The following SLC35E4 variants were observed in gnomAD, a reference collection of about 807,000 sequenced individuals.
The protein encoded by SLC35E4 is solute carrier family 35, member E4.
SLC35E4 carries 15 observed loss-of-function variants against 19.3 expected under a neutral mutation model. The ratio of observed to expected loss-of-function variants is 0.78; its 90% CI spans 0.52 to 1.20. The LOEUF is 1.20. Ranked by LOEUF, SLC35E4 falls within the 50% of genes most tolerant of loss-of-function variation. The probability of loss-of-function intolerance (pLI) is 0.00; values close to 1 mark genes in which losing one functional copy is unlikely to be tolerated. For synonymous variants in SLC35E4, 219 were observed against 219.9 expected (o/e 1.00, Z 0.04); for missense variants, 406 against 472.3 (o/e 0.86, Z 1.30).
intron 1 of SLC35E4, among the ~76,000 whole-genome samples, chr22:30,643,385 C>T (rs960462704): frequency 6.6e-6 from 1 of 152,128 alleles, no homozygotes; most frequent in Non-Finnish European, 1.5e-5. Context: ...TCCTGGGGAG[C>T]GCTGAGAAGG....
chr22:30,644,652 GA>G (rs2088099057), intron 1 of SLC35E4, among the ~76,000 whole-genome samples: 1 of 152,292 alleles, frequency 6.6e-6, no homozygotes, highest in Admixed American at 6.5e-5. Context: ...GCTGAGAAGG[GA>G]GGATCGCTTG....
intron 2 of SLC35E4, among the ~76,000 whole-genome samples, chr22:30,657,336 G>A (rs1255471196): frequency 6.6e-6 from 1 of 151,224 alleles, no homozygotes; most frequent in Non-Finnish European, 1.5e-5. Flanking sequence ...GCGGGCACCT[G>A]TAATCCCAGC....
At chr22:30,638,537 C>T (rs1001897837) in intron 1 of SLC35E4, among the ~76,000 whole-genome samples, 5 of 146,938 alleles carry the variant, frequency 3.4e-5, no homozygotes, top group Non-Finnish European at 6.0e-5. Context: ...TTGGGCCAGG[C>T]GCAGTGGCTC....
At chr22:30,664,995 A>G (rs5753268), downstream of SLC35E4, 113,055 of 152,614 alleles carry the variant, frequency 0.74, 44,057 homozygotes, top group East Asian at 0.88. Context: ...ATTGGGGTAG[A>G]GGTTCAGCCG....
chr22:30,663,773 T>C, downstream of SLC35E4: 2 of 1,614,080 alleles, frequency 1.2e-6, no homozygotes, highest in Non-Finnish European at 1.7e-6. Context: ...CACAGAGACG[T>C]GAGTTAGGGG....
intron 2 of SLC35E4, chr22:30,653,977 G>GTTTTTTT (rs1316985664): frequency 6.7e-6 from 1 of 149,786 alleles, no homozygotes; most frequent in African/African-American, 2.7e-5. Context: ...TAGCTGTTTT[G>GTTTTTTT]TTTTTTTGTT....
chr22:30,665,598 T>TC (rs1415535220), downstream of SLC35E4: 1 of 467,542 alleles, frequency 2.1e-6, no homozygotes, highest in Non-Finnish European at 4.4e-6. Context: ...ATCACACCCC[T>TC]CCCTCACGTT....
chr22:30,647,196 G>C lies in SLC35E4; in HGVS notation c.*165G>C, dbSNP rs562509832. ...GTGGATCACCTGAGGCCAGGAGTTC[G>C]AGACCAGCCTGGCTAACATGGCAAA... is the stretch of plus-strand genomic sequence containing the variant. On this transcript the variant is annotated 3_prime_UTR_variant, in exon 2 of 2. Coordinates refer to ENST00000343605, the MANE Select transcript of SLC35E4 (RefSeq NM_001001479.4). The C allele has an allele frequency of 6.1e-6, 5 of 817,738 alleles. No individual in the cohort carries two copies. In the South Asian group the frequency reaches 9.6e-5, roughly 16 times the overall value. The allele number at this position is 817,738 out of a possible 1,614,324, so 50.7% of individuals were successfully genotyped here. A position where few individuals can be genotyped will look rare whatever the true frequency, so the allele number is the denominator to read the frequency against.
chr22:30,637,123 C>T, intron 1 of SLC35E4, 54 bp downstream of exon 1: 1 of 1,518,570 alleles, frequency 6.6e-7, no homozygotes, highest in South Asian at 1.3e-5. Context: ...GGTGCATGGC[C>T]TGGATGGCCC....
chr22:30,663,579 C>G, downstream of SLC35E4: 1 of 1,614,198 alleles, frequency 6.2e-7, no homozygotes, highest in Non-Finnish European at 8.5e-7. Flanking sequence ...GCTGTTGGGT[C>G]GGATGATGGG....
At chr22:30,654,289 A>C (rs917902489) in intron 2 of SLC35E4, 12 of 452,580 alleles carry the variant, frequency 2.7e-5, no homozygotes, top group Non-Finnish European at 4.8e-5. Context: ...CGGCCATCCC[A>C]TGAGCTGTTT....
chr22:30,641,554 AT>A (rs575039875), intron 1 of SLC35E4, among the ~76,000 whole-genome samples: 114 of 146,660 alleles, frequency 7.8e-4, no homozygotes, highest in Middle Eastern at 3.5e-3. Flanking sequence ...TTATTTTATT[AT>A]TTTTTTTTTT....
chr22:30,646,914 C>T lies in SLC35E4; in HGVS notation c.936C>T (p.Tyr312=), dbSNP rs747480687. ...LFGSRLSALS[Y]VGIALTLSGM... The stretch of plus-strand genomic sequence containing the variant: ...GCAGCCGCCTCAGTGCCCTCAGCTA[C>T]GTGGGCATCGCACTCACTCTTTCAG... Residue 312 remains tyrosine (Y), a synonymous_variant, in exon 2 of 2, where the codon TAC becomes TAT. Transcript: ENST00000343605. 21 of 1,614,122 alleles carry T rather than the reference C, an allele frequency of 1.3e-5. No individual in the cohort carries two copies. In the East Asian group the frequency reaches 2.9e-4, roughly 22 times the overall value.
downstream of SLC35E4, among the ~76,000 whole-genome samples, chr22:30,666,153 C>T (rs1010348475): frequency 1.3e-5 from 2 of 152,144 alleles, no homozygotes; most frequent in African/African-American, 4.8e-5. Flanking sequence ...TCTGGATCCT[C>T]GTCATCAGAA....
In SLC35E4 at chr22:30,646,918, G is replaced by C. The variant is rs759529119; in HGVS notation, c.940G>C (p.Gly314Arg). 3 of 1,614,204 alleles carry C rather than the reference G, an allele frequency of 1.9e-6. No individual in the cohort carries two copies. Among genetic ancestry groups the C allele is most frequent in the Non-Finnish European group, 2.5e-6 (3 of 1,180,040 alleles). Reference sequence around the variant, plus strand: ...CCGCCTCAGTGCCCTCAGCTACGTGGGCATCGCACTCACTCTTTCAGGAAT... The same window carrying C: ...CCGCCTCAGTGCCCTCAGCTACGTGCGCATCGCACTCACTCTTTCAGGAAT... ...GSRLSALSYV[G>R]IALTLSGMFL... Residue 314 changes from glycine (G) to arginine (R), a missense_variant, in exon 2 of 2, where the codon GGC becomes CGC. Gly to Arg is a moderately radical substitution (Grantham distance 125, BLOSUM62 -2). Coordinates refer to ENST00000343605, the MANE Select transcript of SLC35E4 (RefSeq NM_001001479.4).
At chr22:30,642,262 G>T (rs2088054802) in intron 1 of SLC35E4, among the ~76,000 whole-genome samples, 1 of 151,966 alleles carries the variant, frequency 6.6e-6, no homozygotes, top group Admixed American at 6.6e-5. Context: ...TACCCACCTC[G>T]GCCTAAAGTG....
chr22:30,659,665 T>C (rs1393055296), intron 2 of SLC35E4, among the ~76,000 whole-genome samples: 1 of 152,174 alleles, frequency 6.6e-6, no homozygotes, highest in African/African-American at 2.4e-5. Flanking sequence ...ATAAGAATTT[T>C]AGAACTAAGA....
chr22:30,647,170 G>A lies in SLC35E4; in HGVS notation c.*139G>A, dbSNP rs2088149209. On this transcript the variant is annotated 3_prime_UTR_variant, in exon 2 of 2. Transcript: ENST00000343605. ...CCCAGCACTTCCAGAGTCCGAGGTGGGTGGATCACCTGAGGCCAGGAGTTC... is the reference window on the plus strand; with the variant it reads ...CCCAGCACTTCCAGAGTCCGAGGTGAGTGGATCACCTGAGGCCAGGAGTTC... The A allele has an allele frequency of 2.8e-6, 3 of 1,086,930 alleles. No homozygotes were observed. The highest frequency in any genetic ancestry group is 2.6e-6 in the Non-Finnish European group (2 of 783,626). 67.3% of individuals were successfully genotyped at this position (1,086,930 alleles called of 1,614,324 possible).
rs1005550406 is a variant in SLC35E4, at chr22:30,636,037, G to C, written c.-414G>C. Reference sequence around the variant, plus strand: ...CCCCTGCCAGGCCTGGTCACGGCCAGAGCACGCAGGAGTTCCCAGGGTCTG... The same window carrying C: ...CCCCTGCCAGGCCTGGTCACGGCCACAGCACGCAGGAGTTCCCAGGGTCTG... On this transcript the variant is annotated 5_prime_UTR_variant, in exon 1 of 2. Transcript: ENST00000343605. 22 of 159,360 alleles carry C rather than the reference G, an allele frequency of 1.4e-4. No individual in the cohort carries two copies. The highest frequency in any genetic ancestry group is 4.3e-4 in the African/African-American group (18 of 41,772). The allele number at this position is 159,360 out of a possible 1,614,324, so 9.9% of individuals were successfully genotyped here. A position where few individuals can be genotyped will look rare whatever the true frequency, so the allele number is the denominator to read the frequency against.
Sources: gnomAD v4.1 joint callset for allele counts (sites outside exome capture counted in the v4.1 genomes callset) on GRCh38, gnomAD v4.1.1 for gene constraint, MANE v1.5 for transcripts, NCBI Gene and HGNC (gene_info 2026-07-23, HGNC 2026-07-21) for gene names.